Variants in SHISAL1 observed in about 807,000 individuals in gnomAD.
SHISAL1 encodes protein shisa-like-1.
In SHISAL1, 9 loss-of-function variants were observed where a neutral mutation model predicts 22.6. That is an observed-to-expected ratio of 0.40 (90% CI 0.24 to 0.70). SHISAL1 has a LOEUF of 0.70. SHISAL1 is among the 30% of genes least tolerant of loss of function. SHISAL1 has a pLI of 0.39. For missense variants in SHISAL1, 246 were observed against 270.6 expected, an observed-to-expected ratio of 0.91 and a Z score of 0.64; for synonymous variants, 119 against 115.4, an observed-to-expected ratio of 1.03 and a Z score of -0.20.
intron 4 of SHISAL1, among the ~76,000 whole-genome samples, chr22:44,276,292 G>T (rs755935031): frequency 6.6e-6 from 1 of 152,164 alleles, no homozygotes; most frequent in East Asian, 1.9e-4. Flanking sequence ...GAACAGCAGC[G>T]GGGCTGGTGT....
chr22:44,321,577 G>A, the SHISAL1 span, among the ~76,000 whole-genome samples: 139 of 152,244 alleles, frequency 9.1e-4, no homozygotes, highest in African/African-American at 2.9e-3. Flanking sequence ...CTGTGTTCAC[G>A]AGTCCCTGCA....
Position 44,248,501 on chromosome 22 carries a change from T to C in SHISAL1, c.*1184A>G, listed in dbSNP as rs572948073. On this transcript the variant is annotated 3_prime_UTR_variant, in exon 5 of 5. Coordinates refer to ENST00000381176, the MANE Select transcript of SHISAL1 (RefSeq NM_001099294.2). ...GGTGATTAGCTCGGTGGGTGGATGT[T>C]ACGGGCATGGAAGTCCTACTTGAAA... 6.6e-6 allele frequency: 1 copy of C among 152,254 alleles called. No homozygotes were observed. The highest frequency in any genetic ancestry group is 1.9e-4 in the East Asian group (1 of 5,182). 9.4% of individuals were successfully genotyped at this position (152,254 alleles called of 1,614,324 possible).
chr22:44,325,224 C>CAG, the SHISAL1 span, among the ~76,000 whole-genome samples: 12 of 147,690 alleles, frequency 8.1e-5, no homozygotes, highest in Non-Finnish European at 3.0e-5. Context: ...GCCTGGGTGA[C>CAG]AGAGAGAGAC....
At chr22:44,319,154 G>A in the SHISAL1 span, among the ~76,000 whole-genome samples, 9 of 152,248 alleles carry the variant, frequency 5.9e-5, no homozygotes, top group East Asian at 1.9e-4. Flanking sequence ...CCTCGCACGC[G>A]GTGGAGACAG....
At chr22:44,250,675 G>C (rs1280124605) in intron 4 of SHISAL1, among the ~76,000 whole-genome samples, 1 of 152,164 alleles carries the variant, frequency 6.6e-6, no homozygotes, top group Non-Finnish European at 1.5e-5. Flanking sequence ...TGAATCCAGG[G>C]GGAAATGAAC....
intron 2 of SHISAL1, among the ~76,000 whole-genome samples, chr22:44,297,791 G>A (rs777822312): frequency 2.0e-5 from 3 of 152,378 alleles, no homozygotes; most frequent in South Asian, 2.1e-4. Flanking sequence ...AAAAGAGATC[G>A]CTGTATCTAA....
intron 4 of SHISAL1, among the ~76,000 whole-genome samples, chr22:44,266,529 T>TGGGTAG (rs1491542372): frequency 4.6e-5 from 1 of 21,724 alleles, no homozygotes. Flanking sequence ...CTTTGGGGTA[T>TGGGTAG]GTGTGTGTGT....
intron 4 of SHISAL1, among the ~76,000 whole-genome samples, chr22:44,259,672 T>C (rs1471111734): frequency 6.6e-6 from 1 of 152,060 alleles, no homozygotes. Context: ...GGAAAAGGAC[T>C]TTGGGTTGCA....
intron 4 of SHISAL1, among the ~76,000 whole-genome samples, chr22:44,254,414 G>A (rs762534296): frequency 2.0e-5 from 3 of 151,988 alleles, no homozygotes; most frequent in African/African-American, 7.3e-5. Context: ...TAGCTGGAGT[G>A]CAATGGTGCA....
At chr22:44,284,151 T>A (rs1366525635) in intron 4 of SHISAL1, among the ~76,000 whole-genome samples, 1 of 152,152 alleles carries the variant, frequency 6.6e-6, no homozygotes, top group Non-Finnish European at 1.5e-5. Flanking sequence ...GATTTATGCA[T>A]CTTATTAATT....
At chr22:44,327,014 G>C in the SHISAL1 span, among the ~76,000 whole-genome samples, 2 of 152,104 alleles carry the variant, frequency 1.3e-5, no homozygotes, top group African/African-American at 4.8e-5. Context: ...TGGCCCTCAA[G>C]AATCCCCAGT....
intron 1 of SHISAL1, among the ~76,000 whole-genome samples, chr22:44,307,180 G>A (rs1039245568): frequency 3.9e-5 from 6 of 152,148 alleles, no homozygotes; most frequent in African/African-American, 1.4e-4. Context: ...CCTGCCACCT[G>A]GGGCTGCTGA....
At chr22:44,295,370 A>T (rs2055378374) in intron 3 of SHISAL1, among the ~76,000 whole-genome samples, 1 of 152,242 alleles carries the variant, frequency 6.6e-6, no homozygotes, top group Non-Finnish European at 1.5e-5. Context: ...CAACTTTAAA[A>T]CTTTCATCAA....
chr22:44,262,336 C>T (rs1366824187), intron 4 of SHISAL1, among the ~76,000 whole-genome samples: 1 of 152,182 alleles, frequency 6.6e-6, no homozygotes, highest in Non-Finnish European at 1.5e-5. Context: ...AGCCACAAAG[C>T]CTTCATCTGC....
chr22:44,256,072 T>C (rs905233174), intron 4 of SHISAL1, among the ~76,000 whole-genome samples: 2 of 152,200 alleles, frequency 1.3e-5, no homozygotes, highest in African/African-American at 4.8e-5. Flanking sequence ...AGTGGGGACA[T>C]TGTTCTTCTC....
At chr22:44,324,298 C>G in the SHISAL1 span, among the ~76,000 whole-genome samples, 1 of 152,174 alleles carries the variant, frequency 6.6e-6, no homozygotes, top group Non-Finnish European at 1.5e-5. Context: ...AAAGCTGGCT[C>G]CCCCCTGCCT....
At chr22:44,316,128 C>A (rs1320502394), upstream of SHISAL1, among the ~76,000 whole-genome samples, 9 of 151,796 alleles carry the variant, frequency 5.9e-5, no homozygotes, top group Admixed American at 5.9e-4. Flanking sequence ...AAATAGCAGG[C>A]CCCCACGTGG....
chr22:44,312,342 G>C (rs1480858715), intron 1 of SHISAL1, among the ~76,000 whole-genome samples: 2 of 152,084 alleles, frequency 1.3e-5, no homozygotes, highest in African/African-American at 2.4e-5. Flanking sequence ...GCCATGACTA[G>C]GGCATCCTGA....
intron 2 of SHISAL1, among the ~76,000 whole-genome samples, chr22:44,298,793 G>T (rs1006071367): frequency 6.6e-6 from 1 of 152,212 alleles, no homozygotes; most frequent in Admixed American, 6.5e-5. Context: ...GCCCGGCGAG[G>T]TTGGGGGATG....
Sources: gnomAD v4.1 joint callset for allele counts (sites outside exome capture counted in the v4.1 genomes callset) on GRCh38, gnomAD v4.1.1 for gene constraint, MANE v1.5 for transcripts, NCBI Gene and HGNC (gene_info 2026-07-23, HGNC 2026-07-21) for gene names.